TTBK2: variants seen among roughly 807,000 people sequenced by gnomAD.
The protein encoded by TTBK2 is tau tubulin kinase 2.
In TTBK2, 28 loss-of-function variants were observed where a neutral mutation model predicts 110.8. The ratio of observed to expected loss-of-function variants is 0.25; its 90% CI spans 0.19 to 0.35. The LOEUF is 0.35. TTBK2 is among the 10% of genes least tolerant of loss of function. The pLI, the probability that TTBK2 is intolerant of heterozygous loss-of-function variation, is 1.00. For missense variants in TTBK2, 1,369 were observed against 1,500.3 expected (o/e 0.91, Z 1.45); for synonymous variants, 532 against 527.3 (o/e 1.01, Z -0.12).
In TTBK2 at chr15:42,767,337, A is replaced by G. The variant is rs1212410133; in HGVS notation, c.1998+7798T>C. On this transcript the variant is annotated intron_variant, in intron 13 of 14. Coordinates refer to ENST00000267890, the MANE Select transcript of TTBK2 (RefSeq NM_173500.4). ...AATGAATCCAGGAGCTGGTTTTTTG[A>G]TAAGATCAACAAAATTGAAAGACCG... Among the ~76,000 whole-genome samples, 3 of 152,312 alleles carry G rather than the reference A, an allele frequency of 2.0e-5. No individual in the cohort carries two copies. In the South Asian group the frequency reaches 6.2e-4, roughly 32 times the overall value.
intron 13 of TTBK2, 107 bp downstream of exon 13, chr15:42,775,028 C>T (rs1567015878): frequency 8.0e-7 from 1 of 1,255,720 alleles, no homozygotes; most frequent in Non-Finnish European, 1.1e-6. Context: ...GGGCCATCTG[C>T]AAAATTTAGG....
At chr15:42,801,760 G>T (rs781064942) in intron 9 of TTBK2, 2 of 822,020 alleles carry the variant, frequency 2.4e-6, no homozygotes, top group South Asian at 1.3e-5. Context: ...GATCTTGGCA[G>T]TCAGCTCTTT....
At chr15:42,747,632 G>A (rs976619536) in intron 14 of TTBK2, among the ~76,000 whole-genome samples, 2 of 152,222 alleles carry the variant, frequency 1.3e-5, no homozygotes, top group South Asian at 2.1e-4. Flanking sequence ...GATAGGAGGC[G>A]GAGCTCAGGC....
intron 3 of TTBK2, among the ~76,000 whole-genome samples, chr15:42,867,601 C>T (rs1894426421): frequency 6.6e-6 from 1 of 152,136 alleles, no homozygotes; most frequent in African/African-American, 2.4e-5. Context: ...TATCACACAT[C>T]ACTAGATAAA....
intron 6 of TTBK2, among the ~76,000 whole-genome samples, chr15:42,823,393 C>A (rs1892392080): frequency 6.6e-6 from 1 of 152,118 alleles, no homozygotes; most frequent in African/African-American, 2.4e-5. Flanking sequence ...CCCTCACAAC[C>A]CTACTTAATG....
At chr15:42,834,192 A>T (rs966163970) in intron 4 of TTBK2, among the ~76,000 whole-genome samples, 1 of 131,078 alleles carries the variant, frequency 7.6e-6, no homozygotes, top group Non-Finnish European at 1.5e-5. Flanking sequence ...TCAAAAAAAA[A>T]AAAAGGGGGG....
intron 9 of TTBK2, among the ~76,000 whole-genome samples, chr15:42,797,866 ATTTTT>A (rs1484476940): frequency 1.3e-5 from 2 of 151,512 alleles, no homozygotes; most frequent in African/African-American, 4.8e-5. Flanking sequence ...TGCCTTTTTT[ATTTTT>A]TATTATTTTT....
intron 9 of TTBK2, chr15:42,800,208 C>T (rs1035619243): frequency 4.8e-6 from 2 of 413,120 alleles, no homozygotes; most frequent in African/African-American, 4.2e-5. Context: ...ATAATGACCA[C>T]ATATTACTTT....
chr15:42,806,172 GA>G (rs1399739964), intron 9 of TTBK2, among the ~76,000 whole-genome samples: 1 of 152,156 alleles, frequency 6.6e-6, no homozygotes, highest in Non-Finnish European at 1.5e-5. Flanking sequence ...GGCTGAGGCA[GA>G]GAATCACTTG....
At chr15:42,889,006 C>T (rs1456365908) in intron 1 of TTBK2, among the ~76,000 whole-genome samples, 1 of 152,174 alleles carries the variant, frequency 6.6e-6, no homozygotes, top group African/African-American at 2.4e-5. Context: ...TCTTTCCAGC[C>T]TCACAGGCCC....
intron 2 of TTBK2, among the ~76,000 whole-genome samples, chr15:42,874,712 G>C (rs1051713045): frequency 2.0e-5 from 3 of 151,752 alleles, no homozygotes; most frequent in African/African-American, 7.3e-5. Flanking sequence ...AAGTGGCCGG[G>C]CGCGGTGGCT....
intron 1 of TTBK2, among the ~76,000 whole-genome samples, chr15:42,896,715 C>T (rs371480977): frequency 1.4e-4 from 22 of 152,202 alleles, no homozygotes; most frequent in South Asian, 8.3e-4. Context: ...ATCACTTAGA[C>T]GCCAGGAAGT....
rs1426464188 is a variant in TTBK2 at position 42,894,671 on chromosome 15, T to C, written c.-67-15987A>G. 7.9e-5 allele frequency among the ~76,000 whole-genome samples: 12 copies of C among 152,280 alleles called. No homozygotes were observed. In the East Asian group the frequency reaches 1.9e-3, roughly 24 times the overall value. ...AGGAGGCTAAAGTGGGAAGATCACC[T>C]GAGCCCAGGAAAGTCAAGGTTGCAG... On this transcript the variant is annotated intron_variant, in intron 1 of 14. Coordinates refer to ENST00000267890, the MANE Select transcript of TTBK2 (RefSeq NM_173500.4).
chr15:42,834,223 A>G (rs1892901042), intron 4 of TTBK2, among the ~76,000 whole-genome samples: 1 of 151,700 alleles, frequency 6.6e-6, no homozygotes, highest in Non-Finnish European at 1.5e-5. Context: ...AAGGAAAGAG[A>G]TAAAAATGTA....
intron 10 of TTBK2, among the ~76,000 whole-genome samples, chr15:42,791,787 T>C (rs1013434844): frequency 2.0e-5 from 3 of 152,160 alleles, no homozygotes; most frequent in Non-Finnish European, 4.4e-5. Flanking sequence ...TATATTTATC[T>C]TTATTTCTTA....
intron 9 of TTBK2, chr15:42,801,103 C>T (rs528210657): frequency 2.6e-5 from 22 of 839,084 alleles, no homozygotes; most frequent in African/African-American, 8.2e-5. Flanking sequence ...GAGCCCAGGC[C>T]GTAGCTGAGG....
intron 6 of TTBK2, among the ~76,000 whole-genome samples, chr15:42,825,933 A>G (rs1892515469): frequency 6.6e-6 from 1 of 152,088 alleles, no homozygotes; most frequent in Admixed American, 6.5e-5. Context: ...AGACGGTAAC[A>G]TGCCATTTCT....
At chr15:42,788,106 G>T (rs1013283826) in intron 10 of TTBK2, among the ~76,000 whole-genome samples, 1 of 151,956 alleles carries the variant, frequency 6.6e-6, no homozygotes, top group African/African-American at 2.4e-5. Flanking sequence ...TAATCTTATA[G>T]GACCACTGTC....
chr15:42,860,074 A>C (rs2141077605), intron 3 of TTBK2, among the ~76,000 whole-genome samples: 1 of 152,270 alleles, frequency 6.6e-6, no homozygotes, highest in East Asian at 1.9e-4. Context: ...AAGAAAACAA[A>C]GAAACAGAAG....
Sources: gnomAD v4.1 joint callset for allele counts (sites outside exome capture counted in the v4.1 genomes callset) on GRCh38, gnomAD v4.1.1 for gene constraint, MANE v1.5 for transcripts, NCBI Gene and HGNC (gene_info 2026-07-23, HGNC 2026-07-21) for gene names.